SDHC: variants seen among roughly 807,000 people sequenced by gnomAD.
SDHC encodes succinate dehydrogenase complex subunit C, also known as succinate dehydrogenase cytochrome b560 subunit, mitochondrial.
A neutral mutation model predicts 22.6 loss-of-function variants in SDHC; 11 were observed. The ratio of observed to expected loss-of-function variants is 0.49; its 90% CI spans 0.31 to 0.81. The LOEUF is 0.81. Ranked by LOEUF, SDHC falls within the 30% of genes least tolerant of loss-of-function variation. SDHC has a pLI of 0.05. For missense variants in SDHC, 160 were observed against 212.0 expected (o/e 0.75, Z 1.52); for synonymous variants, 80 against 77.8 (o/e 1.03, Z -0.15).
chr1:161,327,894 A>G (rs1169529612), intron 2 of SDHC, among the ~76,000 whole-genome samples: 1 of 149,366 alleles, frequency 6.7e-6, no homozygotes, highest in African/African-American at 2.5e-5. Context: ...TTTTATTTTT[A>G]TTTTCTGTTT....
intron 4 of SDHC, among the ~76,000 whole-genome samples, chr1:161,352,968 C>G (rs1214665661): frequency 6.6e-6 from 1 of 151,962 alleles, no homozygotes; most frequent in Middle Eastern, 3.2e-3. Context: ...CAGAGCGAGA[C>G]TCCGTCTCAA....
chr1:161,331,886 C>T (rs776272387), intron 3 of SDHC, among the ~76,000 whole-genome samples: 1 of 152,204 alleles, frequency 6.6e-6, no homozygotes, highest in Non-Finnish European at 1.5e-5. Flanking sequence ...TGAGCCACCG[C>T]GCCTGGCAAC....
intron 4 of SDHC, among the ~76,000 whole-genome samples, chr1:161,356,471 G>A (rs569193605): frequency 2.1e-4 from 32 of 152,214 alleles, no homozygotes; most frequent in Non-Finnish European, 2.4e-4. Context: ...CTTGGGAGGT[G>A]GAGGTTGCAG....
chr1:161,341,037 G>T (rs1671702153), intron 4 of SDHC, among the ~76,000 whole-genome samples: 1 of 152,098 alleles, frequency 6.6e-6, no homozygotes, highest in African/African-American at 2.4e-5. Flanking sequence ...TAGAGACGGG[G>T]TTTCACCATG....
intron 3 of SDHC, chr1:161,339,606 T>TAAATC: frequency 1.7e-6 from 2 of 1,185,770 alleles, no homozygotes; most frequent in Non-Finnish European, 2.2e-6. Flanking sequence ...TCCTTCTCCA[T>TAAATC]AAATCAGTTT....
intron 1 of SDHC, chr1:161,314,729 C>T: frequency 2.2e-6 from 1 of 457,826 alleles, no homozygotes; most frequent in Non-Finnish European, 3.9e-6. Flanking sequence ...GCACCCAGAG[C>T]CGAGCTCTGA....
chr1:161,330,032 G>A (rs1164449083), intron 3 of SDHC, among the ~76,000 whole-genome samples: 1 of 152,066 alleles, frequency 6.6e-6, no homozygotes, highest in Non-Finnish European at 1.5e-5. Flanking sequence ...AGTTCTTTTT[G>A]TGATATAAGA....
chr1:161,328,400 G>T lies in SDHC; in HGVS notation c.82G>T (p.Val28Phe), dbSNP rs754818119. ...AACGGTCTGGTTTTATTTTAGTGCT[G>T]TTCCTTTGGGAACCACGGCCAAAGA... The part of the protein sequence containing the change: ...FSPQLCIRNA[V>F]PLGTTAKEEM... The change falls in exon 3 of 6, where the codon GTT (valine) becomes TTT (phenylalanine). Residue 28 changes from valine to phenylalanine, a missense_variant. By Grantham distance (50) the Val-to-Phe change is conservative. Around this residue, in one of 2 missense-constraint regions of SDHC, gnomAD observed 86 missense variants for 83.4 expected, o/e 1.03. Coordinates refer to ENST00000367975, the MANE Select transcript of SDHC (RefSeq NM_003001.5). 5.0e-6 allele frequency: 8 copies of T among 1,609,946 alleles called. No homozygotes were observed. Among genetic ancestry groups the T allele is most frequent in the Non-Finnish European group, 8.5e-7 (1 of 1,176,542 alleles).
intron 3 of SDHC, 40 bp from the exon 4 acceptor site, chr1:161,340,554 C>G (rs774222519): frequency 1.3e-6 from 2 of 1,572,674 alleles, no homozygotes; most frequent in East Asian, 4.5e-5. Flanking sequence ...ATGGTGTCAT[C>G]TTTTCCTTTT....
At chr1:161,318,180 A>C (rs1292000646) in intron 1 of SDHC, among the ~76,000 whole-genome samples, 1 of 152,116 alleles carries the variant, frequency 6.6e-6, no homozygotes. Context: ...TCAAAAAAAA[A>C]AAAATTGTAC....
chr1:161,328,622 T>C, intron 3 of SDHC, 125 bp downstream of exon 3: 1 of 728,296 alleles, frequency 1.4e-6, no homozygotes, highest in Admixed American at 2.0e-5. Context: ...GTAGATGAGG[T>C]GAACCCTTCA....
intron 4 of SDHC, among the ~76,000 whole-genome samples, chr1:161,342,352 A>T (rs1457612869): frequency 2.0e-5 from 3 of 152,202 alleles, no homozygotes; most frequent in African/African-American, 7.2e-5. Context: ...AAATGCTCCA[A>T]TGCACTATTA....
At chr1:161,332,498 A>G (rs1671315011) in intron 3 of SDHC, among the ~76,000 whole-genome samples, 1 of 152,256 alleles carries the variant, frequency 6.6e-6, no homozygotes. Context: ...TAGCTGAATT[A>G]ACATTCATAT....
intron 1 of SDHC, among the ~76,000 whole-genome samples, chr1:161,315,863 G>C (rs766784705): frequency 2.6e-5 from 4 of 152,138 alleles, no homozygotes; most frequent in Non-Finnish European, 4.4e-5. Context: ...GCCGGCCTCT[G>C]AGTTCCCTTA....
intron 2 of SDHC, among the ~76,000 whole-genome samples, chr1:161,327,611 G>T (rs532722776): frequency 3.3e-5 from 5 of 152,124 alleles, no homozygotes; most frequent in African/African-American, 1.2e-4. Context: ...TCCCAAGCTG[G>T]AGTGCAATGG....
At chr1:161,341,146 A>G (rs1198196640) in intron 4 of SDHC, among the ~76,000 whole-genome samples, 1 of 152,178 alleles carries the variant, frequency 6.6e-6, no homozygotes, top group Non-Finnish European at 1.5e-5. Flanking sequence ...GGCCCAGATT[A>G]GTTTCTTAGC....
chr1:161,347,183 A>G (rs1671930502), intron 4 of SDHC, among the ~76,000 whole-genome samples: 1 of 152,130 alleles, frequency 6.6e-6, no homozygotes, highest in Non-Finnish European at 1.5e-5. Context: ...CCAACAGAGA[A>G]ATTCCTTTAT....
At chr1:161,345,329 A>T (rs1671853719) in intron 4 of SDHC, among the ~76,000 whole-genome samples, 1 of 152,228 alleles carries the variant, frequency 6.6e-6, no homozygotes, top group Non-Finnish European at 1.5e-5. Flanking sequence ...CTCAAAGAGC[A>T]CTTTGCTTAC....
At chr1:161,328,149 G>A (rs1447869525) in intron 2 of SDHC, among the ~76,000 whole-genome samples, 8 of 151,674 alleles carry the variant, frequency 5.3e-5, no homozygotes, top group African/African-American at 1.5e-4. Flanking sequence ...GATTACAGGC[G>A]CCCGCCACCA....
Sources: gnomAD v4.1 joint callset for allele counts (sites outside exome capture counted in the v4.1 genomes callset) on GRCh38, gnomAD v4.1.1 for gene constraint, gnomAD v4.1.1 regional missense constraint, MANE v1.5 for transcripts, NCBI Gene and HGNC (gene_info 2026-07-23, HGNC 2026-07-21) for gene names.